The following CD82 variants were observed in gnomAD, a reference collection of about 807,000 sequenced individuals.
CD82 encodes the protein CD82 molecule.
Under a neutral mutation model 37.4 loss-of-function variants are expected in CD82, and 36 were observed. That is an observed-to-expected ratio of 0.96 (90% CI 0.74 to 1.27). The LOEUF is 1.27. Ranked by LOEUF, CD82 falls within the 50% of genes most tolerant of loss-of-function variation. The pLI is 0.00. For synonymous variants in CD82, 158 were observed against 137.4 expected, an observed-to-expected ratio of 1.15 and a Z score of -1.05; for missense variants, 340 against 347.0, an observed-to-expected ratio of 0.98 and a Z score of 0.16.
At chr11:44,605,242 C>T in intron 5 of CD82, 60 bp downstream of exon 5, 1 of 1,606,868 alleles carries the variant, frequency 6.2e-7, no homozygotes, top group South Asian at 1.1e-5. Flanking sequence ...CGAGTGCAGC[C>T]TGACCGCGGC....
At chr11:44,606,129 A>T (rs1325541813) in intron 6 of CD82, 1 of 152,488 alleles carries the variant, frequency 6.6e-6, no homozygotes, top group Non-Finnish European at 1.5e-5. Context: ...TGGCTGCCAC[A>T]GCACCAGGCA....
At chr11:44,595,530 A>T (rs7929048) in intron 3 of CD82, among the ~76,000 whole-genome samples, 129,907 of 152,042 alleles carry the variant, frequency 0.85, 55,866 homozygotes, top group East Asian at 0.94. Context: ...GTACAGTAGG[A>T]TGTTTCTTAT....
At chr11:44,567,068 G>T (rs1852746091) in intron 1 of CD82, among the ~76,000 whole-genome samples, 1 of 152,162 alleles carries the variant, frequency 6.6e-6, no homozygotes, top group Non-Finnish European at 1.5e-5. Context: ...GACAATGAGG[G>T]CTCCCCCATC....
chr11:44,613,478 C>G (rs1241249820), intron 6 of CD82, among the ~76,000 whole-genome samples: 1 of 152,168 alleles, frequency 6.6e-6, no homozygotes, highest in East Asian at 1.9e-4. Context: ...TGCTCTCCAC[C>G]ACAAGAAGGA....
At chr11:44,616,510 C>T (rs1853566642) in intron 7 of CD82, among the ~76,000 whole-genome samples, 1 of 152,124 alleles carries the variant, frequency 6.6e-6, no homozygotes, top group Non-Finnish European at 1.5e-5. Flanking sequence ...CCTGGAAAGT[C>T]ATTGGCTGGT....
chr11:44,586,916 C>G (rs1417387094), intron 1 of CD82, among the ~76,000 whole-genome samples: 1 of 152,186 alleles, frequency 6.6e-6, no homozygotes, highest in African/African-American at 2.4e-5. Flanking sequence ...AGCCCCTCCC[C>G]TTGAGGAGCC....
intron 6 of CD82, among the ~76,000 whole-genome samples, chr11:44,611,222 T>C (rs1390774956): frequency 6.6e-6 from 1 of 152,238 alleles, no homozygotes; most frequent in Non-Finnish European, 1.5e-5. Flanking sequence ...GGCAGGACTC[T>C]TTATGGCATG....
upstream of CD82, among the ~76,000 whole-genome samples, chr11:44,565,291 G>C (rs1852712573): frequency 6.6e-6 from 1 of 152,230 alleles, no homozygotes; most frequent in Admixed American, 6.5e-5. Flanking sequence ...GGCGCTGGGA[G>C]GGCCCGGGAG....
At chr11:44,595,276 T>A (rs760993679) in intron 3 of CD82, among the ~76,000 whole-genome samples, 4 of 152,184 alleles carry the variant, frequency 2.6e-5, no homozygotes, top group Admixed American at 6.5e-5. Context: ...AGATGGGCCA[T>A]CCGGATGTCA....
chr11:44,578,770 G>T (rs541875083), intron 1 of CD82, among the ~76,000 whole-genome samples: 2 of 152,134 alleles, frequency 1.3e-5, no homozygotes, highest in Non-Finnish European at 2.9e-5. Context: ...ACTGGACCAG[G>T]GGGGATGGGG....
chr11:44,575,029 C>T (rs1211259730), intron 1 of CD82, among the ~76,000 whole-genome samples: 2 of 152,204 alleles, frequency 1.3e-5, no homozygotes, highest in East Asian at 1.9e-4. Flanking sequence ...CTTTCCAGCT[C>T]AGATGGTTTT....
intron 6 of CD82, among the ~76,000 whole-genome samples, chr11:44,614,426 T>C (rs1237671767): frequency 6.6e-6 from 1 of 152,158 alleles, no homozygotes; most frequent in African/African-American, 2.4e-5. Context: ...TGGCAGACCA[T>C]GGTGGTTAGG....
At chr11:44,590,713 C>A (rs1281392716) in intron 2 of CD82, among the ~76,000 whole-genome samples, 2 of 151,568 alleles carry the variant, frequency 1.3e-5, no homozygotes, top group Non-Finnish European at 2.9e-5. Flanking sequence ...GTTTACCAAC[C>A]CTGGTTCCAC....
chr11:44,607,794 G>A (rs1445889089), intron 6 of CD82, among the ~76,000 whole-genome samples: 1 of 152,192 alleles, frequency 6.6e-6, no homozygotes. Context: ...CAAGGCCCAT[G>A]CCTCCCTATC....
chr11:44,577,116 T>C (rs1478444816), intron 1 of CD82, among the ~76,000 whole-genome samples: 2 of 152,050 alleles, frequency 1.3e-5, no homozygotes, highest in Non-Finnish European at 2.9e-5. Flanking sequence ...GGAGGCAAGA[T>C]AGGGTAGTCC....
intron 2 of CD82, among the ~76,000 whole-genome samples, chr11:44,592,216 C>T (rs1000375644): frequency 1.3e-5 from 2 of 152,272 alleles, no homozygotes. Context: ...ACCCCTTTCC[C>T]GGACTTTCTG....
chr11:44,615,371 C>CAGGTG lies in CD82; in HGVS notation c.438+4_438+8dup. ...GGATGCCTGGGACTACGTGCAGGCT[C>CAGGTG]AGGTGAGGTGGGGCGGGGCTGCAGG... is the stretch of plus-strand genomic sequence containing the variant. On this transcript the variant is annotated frameshift_variant and splice_region_variant, in exon 7 of 10. Transcript: ENST00000227155. LOFTEE classifies it high-confidence loss of function. 1.9e-6 allele frequency: 3 copies of CAGGTG among 1,602,898 alleles called. No individual in the cohort carries two copies. The highest frequency in any genetic ancestry group is 2.6e-6 in the Non-Finnish European group (3 of 1,169,866).
intron 7 of CD82, among the ~76,000 whole-genome samples, chr11:44,615,915 G>A (rs534780982): frequency 6.6e-6 from 1 of 152,314 alleles, no homozygotes; most frequent in South Asian, 2.1e-4. Flanking sequence ...GAGATGGATG[G>A]ATGGATGGGT....
intron 1 of CD82, among the ~76,000 whole-genome samples, chr11:44,581,540 T>C (rs186032979): frequency 8.5e-5 from 13 of 152,304 alleles, no homozygotes; most frequent in African/African-American, 2.9e-4. Flanking sequence ...CAGGCTGCTT[T>C]GTATAATTGC....
Sources: gnomAD v4.1 joint callset for allele counts (sites outside exome capture counted in the v4.1 genomes callset) on GRCh38, gnomAD v4.1.1 for gene constraint, MANE v1.5 for transcripts, NCBI Gene and HGNC (gene_info 2026-07-23, HGNC 2026-07-21) for gene names.